The following RALYL variants were observed in gnomAD, a reference collection of about 807,000 sequenced individuals.
The protein encoded by RALYL is RNA-binding Raly-like protein.
RALYL carries 29 observed loss-of-function variants against 35.1 expected under a neutral mutation model. The observed-to-expected ratio is 0.83, with a 90% CI of 0.61 to 1.13. The LOEUF is 1.13. RALYL is among the 50% of genes most tolerant of loss of function. The pLI is 0.00. For synonymous variants in RALYL, 120 were observed against 127.6 expected, an observed-to-expected ratio of 0.94 and a Z score of 0.40; for missense variants, 359 against 360.4, an observed-to-expected ratio of 1.00 and a Z score of 0.03.
chr8:84,701,961 G>T (rs1465801053), intron 2 of RALYL, among the ~76,000 whole-genome samples: 2 of 143,354 alleles, frequency 1.4e-5, no homozygotes, highest in Non-Finnish European at 3.1e-5. Context: ...ATTTTAATCA[G>T]GACACTATGT....
intron 2 of RALYL, among the ~76,000 whole-genome samples, chr8:84,633,799 G>T (rs1342592282): frequency 6.6e-6 from 1 of 151,764 alleles, no homozygotes; most frequent in South Asian, 2.1e-4. Context: ...TAAGACAGAG[G>T]TATTCTGCCA....
At chr8:84,597,564 C>T (rs1467063687) in intron 2 of RALYL, among the ~76,000 whole-genome samples, 1 of 152,026 alleles carries the variant, frequency 6.6e-6, no homozygotes, top group Non-Finnish European at 1.5e-5. Flanking sequence ...TGGATTTCAC[C>T]CTAATGATGT....
chr8:84,668,949 ACATCCATCCAT>A (rs1832636385), intron 2 of RALYL, among the ~76,000 whole-genome samples: 1 of 150,590 alleles, frequency 6.6e-6, no homozygotes, highest in South Asian at 2.1e-4. Context: ...GTTCAACAAC[ACATCCATCCAT>A]CCATCCATCC....
intron 1 of RALYL, among the ~76,000 whole-genome samples, chr8:84,188,180 G>A (rs180808156): frequency 3.5e-4 from 53 of 152,056 alleles, no homozygotes; most frequent in African/African-American, 1.3e-3. Context: ...TGTCACAGGG[G>A]TTTGCTGTAC....
rs1045551636 is a variant in RALYL, at chr8:84,783,316, G to A, written c.332+8662G>A. On this transcript the variant is annotated intron_variant, in intron 3 of 8. Transcript: ENST00000521268. ...AAGCTAATAGAGAAAGAAAAAGCTT[G>A]TATTATCGAATAAACATTAAGCCAA... 6.6e-5 allele frequency among the ~76,000 whole-genome samples: 10 copies of A among 152,316 alleles called. No individual in the cohort carries two copies. The East Asian group carries it at 1.7e-3, about 26-fold the overall frequency.
At chr8:84,457,130 C>A (rs1224452124) in intron 1 of RALYL, among the ~76,000 whole-genome samples, 3 of 151,882 alleles carry the variant, frequency 2.0e-5, no homozygotes, top group Non-Finnish European at 1.5e-5. Context: ...AGTTCCTTGC[C>A]AGTTGTCATT....
chr8:84,297,518 C>T (rs1839989851), intron 1 of RALYL, among the ~76,000 whole-genome samples: 1 of 152,058 alleles, frequency 6.6e-6, no homozygotes, highest in South Asian at 2.1e-4. Flanking sequence ...AATGAACATG[C>T]ACATGCATCT....
intron 1 of RALYL, among the ~76,000 whole-genome samples, chr8:84,368,990 G>A (rs1048445457): frequency 2.0e-5 from 3 of 152,164 alleles, no homozygotes; most frequent in African/African-American, 4.8e-5. Context: ...GCATGAATTA[G>A]GAAACAAAGC....
chr8:84,918,068 C>A (rs1045483271), intron 8 of RALYL, among the ~76,000 whole-genome samples: 1 of 151,942 alleles, frequency 6.6e-6, no homozygotes, highest in African/African-American at 2.4e-5. Context: ...TGTTATGTGA[C>A]CTGTCTTACC....
At chr8:84,467,058 G>A (rs191862597) in intron 1 of RALYL, among the ~76,000 whole-genome samples, 5,259 of 151,880 alleles carry the variant, frequency 0.035, 276 homozygotes, top group African/African-American at 0.11. Context: ...TCTTGCTAGC[G>A]GTCTATCAAT....
chr8:84,455,897 A>G (rs1045452177), intron 1 of RALYL, among the ~76,000 whole-genome samples: 2 of 151,998 alleles, frequency 1.3e-5, no homozygotes, highest in African/African-American at 4.8e-5. Context: ...ATTGCCTAGA[A>G]TCTTCCTGGT....
intron 2 of RALYL, among the ~76,000 whole-genome samples, chr8:84,542,489 G>T (rs969962201): frequency 6.8e-6 from 1 of 146,666 alleles, no homozygotes; most frequent in Non-Finnish European, 1.5e-5. Flanking sequence ...ATTGTGAGGG[G>T]GACCATTTGG....
intron 2 of RALYL, among the ~76,000 whole-genome samples, chr8:84,552,683 C>CT (rs1412880905): frequency 7.3e-5 from 11 of 151,382 alleles, no homozygotes; most frequent in Admixed American, 7.2e-4. Flanking sequence ...GATTTTGGCT[C>CT]TTTGTTTTGA....
At chr8:84,393,150 T>C (rs1413317308) in intron 1 of RALYL, among the ~76,000 whole-genome samples, 2 of 152,110 alleles carry the variant, frequency 1.3e-5, no homozygotes. Context: ...GCTTAGTTGG[T>C]ATCTCTGTCT....
At chr8:84,787,163 C>T (rs373707310) in intron 3 of RALYL, among the ~76,000 whole-genome samples, 202 of 152,012 alleles carry the variant, frequency 1.3e-3, no homozygotes, top group African/African-American at 4.5e-3. Context: ...TCCCCTAGCC[C>T]CCCACCCCCA....
intron 2 of RALYL, among the ~76,000 whole-genome samples, chr8:84,560,706 T>C (rs766063464): frequency 2.0e-5 from 3 of 151,904 alleles, no homozygotes; most frequent in Non-Finnish European, 2.9e-5. Flanking sequence ...GGAGACCAAA[T>C]TTCAAGTGAA....
rs548808588 is a variant in RALYL at position 84,375,062 on chromosome 8, G to A, written c.-23-154237G>A. 3.3e-5 allele frequency among the ~76,000 whole-genome samples: 5 copies of A among 151,748 alleles called. No individual in the cohort carries two copies. The East Asian group carries it at 9.8e-4, about 30-fold the overall frequency. ...TTTAATTTTTGCAGGTACATAGTAG[G>A]TGTATATATTTAGGGGATACATAAG... On this transcript the variant is annotated intron_variant, in intron 1 of 8. Coordinates refer to ENST00000521268, the MANE Select transcript of RALYL (RefSeq NM_173848.7).
At chr8:84,896,670 T>C (rs1056230672) in intron 8 of RALYL, among the ~76,000 whole-genome samples, 1 of 152,156 alleles carries the variant, frequency 6.6e-6, no homozygotes, top group African/African-American at 2.4e-5. Context: ...TTTCAAGGCC[T>C]TGGCATTTGC....
chr8:84,207,185 C>T (rs1818254638), intron 1 of RALYL, among the ~76,000 whole-genome samples: 4 of 152,010 alleles, frequency 2.6e-5, no homozygotes, highest in Admixed American at 2.6e-4. Context: ...GAAATTAAAC[C>T]AGTATCTCAA....
Sources: gnomAD v4.1 joint callset for allele counts (sites outside exome capture counted in the v4.1 genomes callset) on GRCh38, gnomAD v4.1.1 for gene constraint, MANE v1.5 for transcripts, NCBI Gene and HGNC (gene_info 2026-07-23, HGNC 2026-07-21) for gene names.